The following PACS1 variants were observed in gnomAD, a reference collection of about 807,000 sequenced individuals.
PACS1 encodes the protein phosphofurin acidic cluster sorting protein 1.
Under a neutral mutation model 115.0 loss-of-function variants are expected in PACS1, and 24 were observed. That is an observed-to-expected ratio of 0.21 (90% CI 0.15 to 0.29). The LOEUF (loss-of-function observed/expected upper bound fraction) is 0.29. Among genes scored for constraint, PACS1 ranks in the 10% least tolerant of loss-of-function variants. The pLI is 1.00. For synonymous variants in PACS1, 453 were observed against 504.5 expected (o/e 0.90, Z 1.37); for missense variants, 838 against 1,251.2 (o/e 0.67, Z 4.98).
chr11:66,097,651 T>G (rs1365537340), intron 1 of PACS1, among the ~76,000 whole-genome samples: 1 of 152,236 alleles, frequency 6.6e-6, no homozygotes, highest in Admixed American at 6.5e-5. Context: ...GCTGCTAAGC[T>G]TTGCTAGTAT....
At chr11:66,240,722 T>C (rs560915959) in intron 21 of PACS1, among the ~76,000 whole-genome samples, 22 of 148,930 alleles carry the variant, frequency 1.5e-4, no homozygotes, top group Admixed American at 9.3e-4. Context: ...CTGTCCAGCA[T>C]GGGTTTGGGG....
chr11:66,119,788 G>T (rs1229638097), intron 1 of PACS1, among the ~76,000 whole-genome samples: 1 of 152,188 alleles, frequency 6.6e-6, no homozygotes, highest in Admixed American at 6.5e-5. Context: ...GGAAATGCGG[G>T]ATCCACTCCT....
intron 1 of PACS1, among the ~76,000 whole-genome samples, chr11:66,192,607 T>C (rs1490053715): frequency 6.6e-6 from 1 of 152,216 alleles, no homozygotes; most frequent in African/African-American, 2.4e-5. Flanking sequence ...TCCAGCCGGA[T>C]TCTCTGGACT....
intron 1 of PACS1, among the ~76,000 whole-genome samples, chr11:66,166,458 C>T (rs1859605896): frequency 7.0e-6 from 1 of 142,516 alleles, no homozygotes; most frequent in African/African-American, 3.1e-5. Context: ...GATGTCACAT[C>T]TTACAGCTGT....
intron 2 of PACS1, among the ~76,000 whole-genome samples, chr11:66,205,960 C>T (rs978613740): frequency 2.0e-5 from 3 of 152,076 alleles, no homozygotes; most frequent in East Asian, 3.8e-4. Flanking sequence ...CCAGCCTGGG[C>T]GACATGGTCA....
rs192707106 is a variant in PACS1 at position 66,220,893 on chromosome 11, G to T, written c.1199+102G>T. Reference sequence around the variant, plus strand: ...TCCCCTCTATTACCAGAGAATCTTGGTCCTTCATCCTTTCTGAACCTCTGG... The same window carrying T: ...TCCCCTCTATTACCAGAGAATCTTGTTCCTTCATCCTTTCTGAACCTCTGG... On this transcript the variant is annotated intron_variant, in intron 9 of 23. Transcript: ENST00000320580. 434 of 1,304,752 alleles carry T rather than the reference G, an allele frequency of 3.3e-4. 6 individuals are homozygous for T. In the East Asian group the frequency reaches 9.6e-3, roughly 29 times the overall value. The allele number at this position is 1,304,752 out of a possible 1,614,324, so 80.8% of individuals were successfully genotyped here.
At chr11:66,077,793 C>T (rs1054270335) in intron 1 of PACS1, among the ~76,000 whole-genome samples, 2 of 149,948 alleles carry the variant, frequency 1.3e-5, no homozygotes, top group African/African-American at 4.9e-5. Context: ...ACCTCCGCCT[C>T]CGAGGTTCAA....
intron 1 of PACS1, among the ~76,000 whole-genome samples, chr11:66,185,805 A>G (rs1854350351): frequency 6.6e-6 from 1 of 152,108 alleles, no homozygotes; most frequent in African/African-American, 2.4e-5. Context: ...GGACTTTGGG[A>G]ATAATTTGGC....
chr11:66,106,833 T>C (rs1396855530), intron 1 of PACS1, among the ~76,000 whole-genome samples: 3 of 152,216 alleles, frequency 2.0e-5, no homozygotes, highest in Non-Finnish European at 2.9e-5. Flanking sequence ...TCTTTATACC[T>C]TTCCGAAGGT....
chr11:66,196,632 CAG>C (rs997368370), intron 2 of PACS1, among the ~76,000 whole-genome samples: 8 of 152,192 alleles, frequency 5.3e-5, no homozygotes, highest in African/African-American at 1.7e-4. Context: ...TTGTTTGAGA[CAG>C]AGTCTCGCCC....
intron 17 of PACS1, among the ~76,000 whole-genome samples, chr11:66,234,789 A>G (rs10896105): frequency 0.19 from 28,802 of 152,086 alleles, 2,860 homozygotes; most frequent in East Asian, 0.27. Flanking sequence ...AGGTGGGAGA[A>G]TTGCTTGAGA....
intron 1 of PACS1, among the ~76,000 whole-genome samples, chr11:66,114,274 CG>C: frequency 6.6e-6 from 1 of 151,988 alleles, no homozygotes. Context: ...AAAAATTAGC[CG>C]GGAGTAGTGG....
intron 1 of PACS1, among the ~76,000 whole-genome samples, chr11:66,188,159 AT>A (rs71461607): frequency 0.23 from 21,545 of 94,790 alleles, 1,535 homozygotes; most frequent in Middle Eastern, 0.36. Flanking sequence ...TTTTAATCGG[AT>A]TTTTTTTTTT....
intron 4 of PACS1, among the ~76,000 whole-genome samples, 199 bp from the exon 5 acceptor site, chr11:66,215,920 T>A (rs573283694): frequency 4.9e-5 from 7 of 142,188 alleles, no homozygotes; most frequent in South Asian, 2.5e-4. Flanking sequence ...ATAATAATAA[T>A]AATAATAATA....
At chr11:66,107,715 T>A (rs1858082813) in intron 1 of PACS1, among the ~76,000 whole-genome samples, 1 of 152,230 alleles carries the variant, frequency 6.6e-6, no homozygotes, top group Non-Finnish European at 1.5e-5. Flanking sequence ...CAAAAACATC[T>A]TCTCTTGATT....
intron 1 of PACS1, among the ~76,000 whole-genome samples, chr11:66,189,488 G>A (rs1014601672): frequency 6.6e-6 from 1 of 152,210 alleles, no homozygotes; most frequent in African/African-American, 2.4e-5. Flanking sequence ...TATATGTTAT[G>A]TAAGAGCCTT....
chr11:66,183,678 G>A (rs1375212952), intron 1 of PACS1, among the ~76,000 whole-genome samples: 1 of 152,184 alleles, frequency 6.6e-6, no homozygotes, highest in African/African-American at 2.4e-5. Flanking sequence ...TGAGCCAGTG[G>A]TAGAAGAAAC....
chr11:66,096,244 G>GT (rs1857779909), intron 1 of PACS1, among the ~76,000 whole-genome samples: 1 of 122,720 alleles, frequency 8.1e-6, no homozygotes, highest in South Asian at 2.5e-4. Flanking sequence ...GATGTAGGGT[G>GT]TTTCGCTGTG....
At chr11:66,134,248 C>CT (rs1554980598) in intron 1 of PACS1, among the ~76,000 whole-genome samples, 1 of 86,574 alleles carries the variant, frequency 1.2e-5, no homozygotes, top group Admixed American at 1.5e-4. Flanking sequence ...TTTTCTTTTT[C>CT]TTTTTCTTTT....
Sources: allele counts gnomAD v4.1 joint callset (sites outside exome capture counted in the v4.1 genomes callset), GRCh38; gene constraint gnomAD v4.1.1; transcripts MANE v1.5; gene names NCBI Gene and HGNC (gene_info 2026-07-23, HGNC 2026-07-21).